Variants in NRG1 observed in about 807,000 individuals in gnomAD.
NRG1 encodes neuregulin 1, also known as pro-neuregulin-1, membrane-bound isoform.
A neutral mutation model predicts 63.8 loss-of-function variants in NRG1; 18 were observed. The observed-to-expected ratio is 0.28, with a 90% CI of 0.19 to 0.42. The LOEUF is 0.42. NRG1 is among the 10% of genes least tolerant of loss of function. The probability of loss-of-function intolerance (pLI) is 1.00; values close to 1 mark genes in which losing one functional copy is unlikely to be tolerated. For synonymous variants in NRG1, 302 were observed against 301.3 expected, an observed-to-expected ratio of 1.00 and a Z score of -0.02; for missense variants, 762 against 814.7, an observed-to-expected ratio of 0.94 and a Z score of 0.79.
intron 1 of NRG1, among the ~76,000 whole-genome samples, chr8:32,247,856 G>GA (rs563761120): frequency 8.7e-4 from 132 of 152,160 alleles, no homozygotes; most frequent in African/African-American, 3.0e-3. Context: ...AGAAGGTAAA[G>GA]AAAAAATATT....
At chr8:31,846,467 A>G (rs534195652) in intron 1 of NRG1, among the ~76,000 whole-genome samples, 42 of 152,326 alleles carry the variant, frequency 2.8e-4, no homozygotes, top group African/African-American at 9.9e-4. Flanking sequence ...CAAGGTTTAT[A>G]CTAAATCTCT....
upstream of NRG1, among the ~76,000 whole-genome samples, chr8:32,546,677 G>A (rs193011868): frequency 2.0e-5 from 3 of 152,268 alleles, no homozygotes; most frequent in East Asian, 5.8e-4. Flanking sequence ...GTGTTTGTAG[G>A]AAGGCTATCA....
chr8:32,077,254 C>A (rs1039266037), intron 1 of NRG1, among the ~76,000 whole-genome samples: 1 of 152,140 alleles, frequency 6.6e-6, no homozygotes, highest in African/African-American at 2.4e-5. Context: ...ATAATCCCAG[C>A]TACTTGGGAT....
chr8:31,980,081 A>C (rs1442939021), intron 1 of NRG1, among the ~76,000 whole-genome samples: 1 of 152,090 alleles, frequency 6.6e-6, no homozygotes, highest in Non-Finnish European at 1.5e-5. Context: ...GGATTTACTG[A>C]GAAGTAACTC....
At chr8:32,483,975 C>T (rs1288839220) in intron 1 of NRG1, among the ~76,000 whole-genome samples, 6 of 151,904 alleles carry the variant, frequency 3.9e-5, no homozygotes, top group South Asian at 2.1e-4. Context: ...TGGTGTCAGG[C>T]GCCTGCAGTC....
intron 5 of NRG1, among the ~76,000 whole-genome samples, chr8:32,689,003 A>G (rs1810901150): frequency 6.6e-6 from 1 of 152,272 alleles, no homozygotes; most frequent in South Asian, 2.1e-4. Context: ...TGTGGCCCAG[A>G]TGTTTTCCAA....
chr8:32,155,779 C>A (rs2131860480), intron 1 of NRG1, among the ~76,000 whole-genome samples: 1 of 152,308 alleles, frequency 6.6e-6, no homozygotes, highest in South Asian at 2.1e-4. Flanking sequence ...ATGCCTAGTT[C>A]TTCACCCATT....
At chr8:32,318,402 C>T (rs556213442) in intron 1 of NRG1, among the ~76,000 whole-genome samples, 5 of 152,202 alleles carry the variant, frequency 3.3e-5, no homozygotes, top group South Asian at 2.1e-4. Flanking sequence ...TAGAATCAAA[C>T]ATTTTAGAGC....
chr8:32,509,732 G>C (rs1260060437), intron 1 of NRG1, among the ~76,000 whole-genome samples: 1 of 152,132 alleles, frequency 6.6e-6, no homozygotes, highest in African/African-American at 2.4e-5. Context: ...TTAAGTCTGA[G>C]GGTCCTGAAA....
chr8:32,579,296 T>C (rs1432390252), intron 1 of NRG1, among the ~76,000 whole-genome samples: 1 of 150,544 alleles, frequency 6.6e-6, no homozygotes, highest in Non-Finnish European at 1.5e-5. Context: ...TCTCTGCTCG[T>C]GGATTCCTGA....
chr8:31,941,729 C>T (rs1801778924), intron 1 of NRG1, among the ~76,000 whole-genome samples: 1 of 152,038 alleles, frequency 6.6e-6, no homozygotes, highest in Non-Finnish European at 1.5e-5. Context: ...AAATTAGTAG[C>T]TCTGCTATAC....
At chr8:32,435,011 T>C (rs553496624) in intron 1 of NRG1, among the ~76,000 whole-genome samples, 2 of 152,152 alleles carry the variant, frequency 1.3e-5, no homozygotes, top group Non-Finnish European at 2.9e-5. Context: ...CATGGATACC[T>C]GAGGGACAAA....
chr8:32,420,265 G>A (rs1466714241), intron 1 of NRG1, among the ~76,000 whole-genome samples: 1 of 152,150 alleles, frequency 6.6e-6, no homozygotes, highest in African/African-American at 2.4e-5. Context: ...TCCCTTGGGG[G>A]TTGTTTTTGT....
intron 1 of NRG1, among the ~76,000 whole-genome samples, chr8:32,248,883 T>C (rs1275340908): frequency 6.6e-6 from 1 of 152,074 alleles, no homozygotes; most frequent in African/African-American, 2.4e-5. Context: ...ATTATCAAAA[T>C]AATAATTATT....
intron 1 of NRG1, among the ~76,000 whole-genome samples, chr8:32,161,741 T>A (rs1838855668): frequency 6.6e-6 from 1 of 152,204 alleles, no homozygotes. Context: ...TCCATTCTCT[T>A]CCTATACTGT....
At chr8:32,099,537 G>A (rs1380636660) in intron 1 of NRG1, 1 of 152,196 alleles carries the variant, frequency 6.6e-6, no homozygotes, top group African/African-American at 2.4e-5. Flanking sequence ...AGATGGAGAT[G>A]AATGACTTCA....
At chr8:32,418,586 G>A (rs73592185) in intron 1 of NRG1, among the ~76,000 whole-genome samples, 19,030 of 151,790 alleles carry the variant, frequency 0.13, 1,285 homozygotes, top group South Asian at 0.19. Context: ...ATTGGCGTTC[G>A]TATCATATTT....
intron 5 of NRG1, chr8:32,647,957 C>T (rs768383121): frequency 1.9e-6 from 3 of 1,614,072 alleles, no homozygotes; most frequent in Admixed American, 3.3e-5. Context: ...GCATTGTCCC[C>T]ATCCTGGCTT....
upstream of NRG1, among the ~76,000 whole-genome samples, chr8:32,546,160 T>C (rs182194661): frequency 2.0e-5 from 3 of 152,226 alleles, no homozygotes; most frequent in East Asian, 5.8e-4. Context: ...CAAATGAAAA[T>C]GTATCACAAA....
Sources: allele counts gnomAD v4.1 joint callset (sites outside exome capture counted in the v4.1 genomes callset), GRCh38; gene constraint gnomAD v4.1.1; transcripts MANE v1.5; gene names NCBI Gene and HGNC (gene_info 2026-07-23, HGNC 2026-07-21).